NCKAP5: variants seen among roughly 807,000 people sequenced by gnomAD.
NCKAP5 encodes nck-associated protein 5.
In NCKAP5, 92 loss-of-function variants were observed where a neutral mutation model predicts 167.0. The observed-to-expected ratio is 0.55, with a 90% CI of 0.47 to 0.66. NCKAP5 has a LOEUF of 0.66. Among genes scored for constraint, NCKAP5 ranks in the 30% least tolerant of loss-of-function variants. NCKAP5 has a pLI of 0.00. For missense variants in NCKAP5, 2,378 were observed against 2,315.0 expected, an observed-to-expected ratio of 1.03 and a Z score of -0.56; for synonymous variants, 891 against 877.4, an observed-to-expected ratio of 1.02 and a Z score of -0.27.
intron 8 of NCKAP5, among the ~76,000 whole-genome samples, chr2:132,894,739 G>A (rs1160712856): frequency 2.0e-5 from 3 of 152,112 alleles, no homozygotes; most frequent in Admixed American, 2.0e-4. Context: ...AGGACCCCTG[G>A]CCTTGCAGCT....
intron 9 of NCKAP5, among the ~76,000 whole-genome samples, chr2:132,871,474 A>G (rs78184698): frequency 0.023 from 3,515 of 152,204 alleles, 140 homozygotes; most frequent in African/African-American, 0.08. Flanking sequence ...CAATATCAAT[A>G]TTTTCTTTTC....
chr2:133,299,622 G>T (rs556489363), intron 4 of NCKAP5, among the ~76,000 whole-genome samples: 9 of 152,178 alleles, frequency 5.9e-5, no homozygotes, highest in South Asian at 4.1e-4. Context: ...GTGGCGGAAG[G>T]CACCTGTAAT....
intron 10 of NCKAP5, among the ~76,000 whole-genome samples, chr2:132,868,174 C>G (rs1403453103): frequency 1.3e-5 from 2 of 152,138 alleles, no homozygotes; most frequent in East Asian, 1.9e-4. Flanking sequence ...GGAGAAGTCT[C>G]TATTTCACAG....
chr2:133,113,015 T>C (rs1394895915), intron 6 of NCKAP5, among the ~76,000 whole-genome samples: 1 of 152,212 alleles, frequency 6.6e-6, no homozygotes, highest in Admixed American at 6.5e-5. Flanking sequence ...TGCTGAATTC[T>C]GCTTCCAGCT....
intron 5 of NCKAP5, among the ~76,000 whole-genome samples, chr2:133,205,875 C>T (rs1194994377): frequency 6.6e-6 from 1 of 151,960 alleles, no homozygotes; most frequent in Non-Finnish European, 1.5e-5. Flanking sequence ...TAGTTTAAAA[C>T]TATATTTTCT....
At chr2:132,836,828 C>A (rs992100863) in intron 11 of NCKAP5, among the ~76,000 whole-genome samples, 167 of 152,136 alleles carry the variant, frequency 1.1e-3, no homozygotes, top group African/African-American at 3.5e-3. Context: ...TTATTTTGTT[C>A]ATGAGACTGC....
At chr2:132,815,835 CAA>C (rs1259566870) in intron 11 of NCKAP5, among the ~76,000 whole-genome samples, 2 of 152,130 alleles carry the variant, frequency 1.3e-5, no homozygotes, top group Non-Finnish European at 2.9e-5. Context: ...TCCAATAGAC[CAA>C]AATTCTCCAT....
At chr2:132,945,397 C>T (rs1226690507) in intron 8 of NCKAP5, among the ~76,000 whole-genome samples, 1 of 152,060 alleles carries the variant, frequency 6.6e-6, no homozygotes, top group Non-Finnish European at 1.5e-5. Context: ...GCCACAGTGG[C>T]AGCAACGAAA....
chr2:133,204,912 AT>A (rs1324260996), intron 5 of NCKAP5, among the ~76,000 whole-genome samples: 2 of 152,168 alleles, frequency 1.3e-5, no homozygotes, highest in African/African-American at 2.4e-5. Flanking sequence ...AGCTTTGCAT[AT>A]TTTACAAGTC....
chr2:132,988,641 C>A (rs1242983936), intron 7 of NCKAP5, among the ~76,000 whole-genome samples: 1 of 152,154 alleles, frequency 6.6e-6, no homozygotes, highest in Admixed American at 6.5e-5. Flanking sequence ...GGCTCTCCAG[C>A]CTGCCATAGG....
intron 16 of NCKAP5, among the ~76,000 whole-genome samples, chr2:132,746,664 C>T (rs1449442316): frequency 1.3e-5 from 2 of 152,134 alleles, no homozygotes; most frequent in Non-Finnish European, 2.9e-5. Flanking sequence ...AAGACTTATA[C>T]ACAAATGTTT....
intron 3 of NCKAP5, among the ~76,000 whole-genome samples, chr2:133,432,000 T>C (rs1322909823): frequency 6.6e-6 from 1 of 152,146 alleles, no homozygotes; most frequent in Non-Finnish European, 1.5e-5. Flanking sequence ...AATAGACACA[T>C]TCACCAAACA....
intron 3 of NCKAP5, among the ~76,000 whole-genome samples, chr2:133,459,569 A>G (rs1397325916): frequency 6.6e-6 from 1 of 152,186 alleles, no homozygotes; most frequent in African/African-American, 2.4e-5. Flanking sequence ...TTGAAAGAAT[A>G]CCACATGAAG....
At chr2:133,166,801 GA>G (rs796942248) in intron 5 of NCKAP5, among the ~76,000 whole-genome samples, 1 of 152,250 alleles carries the variant, frequency 6.6e-6, no homozygotes, top group African/African-American at 2.4e-5. Context: ...TTTTAAAATT[GA>G]AATCTGGTTT....
intron 19 of NCKAP5, among the ~76,000 whole-genome samples, chr2:132,693,141 A>C (rs1244804965): frequency 1.3e-5 from 2 of 152,226 alleles, no homozygotes; most frequent in Non-Finnish European, 2.9e-5. Context: ...GTCAAAATTC[A>C]TTCATTTCTC....
intron 3 of NCKAP5, among the ~76,000 whole-genome samples, chr2:133,435,865 C>A (rs771168238): frequency 6.6e-6 from 1 of 152,090 alleles, no homozygotes; most frequent in Non-Finnish European, 1.5e-5. Flanking sequence ...CTTTTTGGTT[C>A]CCTGCTTTTG....
chr2:133,210,349 G>A (rs1241735004), intron 5 of NCKAP5, among the ~76,000 whole-genome samples: 2 of 151,762 alleles, frequency 1.3e-5, no homozygotes, highest in African/African-American at 4.8e-5. Flanking sequence ...CAGGTTTGTT[G>A]ATGACTTTAA....
At chr2:132,974,614 C>T (rs1031619651) in intron 7 of NCKAP5, among the ~76,000 whole-genome samples, 8 of 152,178 alleles carry the variant, frequency 5.3e-5, no homozygotes, top group Non-Finnish European at 1.0e-4. Flanking sequence ...TCCACAGACT[C>T]GGTGACCTCT....
rs5834364 is a variant in NCKAP5 at position 133,528,324 on chromosome 2, C to CT, written c.-61-10738dup. ...AAAATCAAAACTTCAATTACTGGGC[C>CT]TTTTTTTTTTTCCCATGTGTAGGTT... On this transcript the variant is annotated intron_variant, in intron 2 of 19. Transcript: ENST00000409261. 4.5e-3 allele frequency among the ~76,000 whole-genome samples: 676 copies of CT among 148,918 alleles called. 2 individuals carry two copies. The highest frequency in any genetic ancestry group is 7.4e-3 in the Non-Finnish European group (498 of 67,040).
Sources: allele counts gnomAD v4.1 joint callset (sites outside exome capture counted in the v4.1 genomes callset), GRCh38; gene constraint gnomAD v4.1.1; transcripts MANE v1.5; gene names NCBI Gene and HGNC (gene_info 2026-07-23, HGNC 2026-07-21).